The following ZC3HC1 variants were observed in gnomAD, a reference collection of about 807,000 sequenced individuals.
The protein encoded by ZC3HC1 is zinc finger C3HC-type protein 1.
In ZC3HC1, 38 loss-of-function variants were observed where a neutral mutation model predicts 61.9. The ratio of observed to expected loss-of-function variants is 0.61; its 90% CI spans 0.47 to 0.81. The LOEUF is 0.81. Ranked by LOEUF, ZC3HC1 falls within the 30% of genes least tolerant of loss-of-function variation. The probability of loss-of-function intolerance (pLI) is 0.00; values close to 1 mark genes in which losing one functional copy is unlikely to be tolerated. For synonymous variants in ZC3HC1, 213 were observed against 229.9 expected (o/e 0.93, Z 0.67); for missense variants, 554 against 622.7 (o/e 0.89, Z 1.17).
At chr7:130,051,382 A>T (rs1273403610), upstream of ZC3HC1, 1 of 1,611,998 alleles carries the variant, frequency 6.2e-7, no homozygotes, top group Non-Finnish European at 8.5e-7. Flanking sequence ...TCCGCTGCCG[A>T]GTTGCTTCCC....
At chr7:130,020,032 G>A (rs1212641678) in intron 9 of ZC3HC1, among the ~76,000 whole-genome samples, 1 of 151,696 alleles carries the variant, frequency 6.6e-6, no homozygotes, top group African/African-American at 2.4e-5. Flanking sequence ...GGCCAGGATG[G>A]TCTTGATCTC....
intron 4 of ZC3HC1, among the ~76,000 whole-genome samples, chr7:130,038,773 T>A (rs1321958901): frequency 2.0e-5 from 3 of 148,526 alleles, no homozygotes; most frequent in Admixed American, 6.8e-5. Context: ...GGCAGGAGAA[T>A]CGCTTGAACC....
At position 130,023,744 on chromosome 7, in the gene ZC3HC1, T is replaced by C. The variant is rs1456497404; in HGVS notation, c.1021-21A>G. The C allele has an allele frequency of 6.3e-7, 1 of 1,576,192 alleles. No homozygotes were observed. Among genetic ancestry groups the C allele is most frequent in the Non-Finnish European group, 8.7e-7 (1 of 1,147,764 alleles). On this transcript the variant is annotated intron_variant, in intron 7 of 9. Coordinates refer to ENST00000358303, the MANE Select transcript of ZC3HC1 (RefSeq NM_016478.5). This position sits in a 1 kb window ranked among gnomAD's most constrained non-coding sequence, Gnocchi z 4.2. Reference sequence around the variant, plus strand: ...TCAGCCTGAAGGAAAGGGGAGATAATGGAAGTACACGAATGATATTAATGA... The same window carrying C: ...TCAGCCTGAAGGAAAGGGGAGATAACGGAAGTACACGAATGATATTAATGA...
chr7:130,041,749 G>T (rs1794683464), intron 2 of ZC3HC1, among the ~76,000 whole-genome samples: 1 of 151,330 alleles, frequency 6.6e-6, no homozygotes, highest in African/African-American at 2.4e-5. Context: ...GGTTGGTCCT[G>T]AACTTGTGAC....
At chr7:130,021,731 TTC>T (rs1455992547) in intron 9 of ZC3HC1, among the ~76,000 whole-genome samples, 1 of 152,212 alleles carries the variant, frequency 6.6e-6, no homozygotes, top group Admixed American at 6.6e-5. Flanking sequence ...GTTCATCTAT[TTC>T]TGTTTCCGTA....
At chr7:130,025,838 T>G (rs1793876517) in intron 6 of ZC3HC1, among the ~76,000 whole-genome samples, 1 of 109,648 alleles carries the variant, frequency 9.1e-6, no homozygotes, top group Non-Finnish European at 1.7e-5. Context: ...GCCACTACCC[T>G]CCAGCCTGGG....
chr7:130,020,502 T>C (rs1320274704), intron 9 of ZC3HC1, among the ~76,000 whole-genome samples: 1 of 152,020 alleles, frequency 6.6e-6, no homozygotes, highest in Non-Finnish European at 1.5e-5. Flanking sequence ...CCTCAGGTGA[T>C]TCCCCTGCGT....
chr7:130,028,037 C>T (rs1329436525), intron 5 of ZC3HC1, among the ~76,000 whole-genome samples: 8 of 151,014 alleles, frequency 5.3e-5, no homozygotes, highest in Non-Finnish European at 7.4e-5. Context: ...CGTGGTCGCA[C>T]GTGCCTGTAA....
intron 5 of ZC3HC1, chr7:130,027,480 G>C (rs903671272): frequency 6.6e-6 from 1 of 152,164 alleles, no homozygotes; most frequent in African/African-American, 2.4e-5. Flanking sequence ...TGATTAAATG[G>C]AACAGTAAAT....
At chr7:130,048,988 A>C in intron 2 of ZC3HC1, 45 bp downstream of exon 2, 1 of 1,471,336 alleles carries the variant, frequency 6.8e-7, no homozygotes, top group Non-Finnish European at 9.3e-7. Flanking sequence ...GAGGAATTCT[A>C]GAAGCAGGCA....
rs766974262 is a variant in ZC3HC1 at position 130,023,775 on chromosome 7, G to C, written c.1021-52C>G. On this transcript the variant is annotated intron_variant, in intron 7 of 9. Coordinates refer to ENST00000358303, the MANE Select transcript of ZC3HC1 (RefSeq NM_016478.5). This position sits in a 1 kb window ranked among gnomAD's most constrained non-coding sequence, Gnocchi z 4.2. The stretch of plus-strand genomic sequence containing the variant: ...TACACGAATGATATTAATGATTATG[G>C]TCAGAAATACTTCTTTCTTTAATCT... 7.2e-7 allele frequency: 1 copy of C among 1,394,210 alleles called. No individual in the cohort carries two copies. Among genetic ancestry groups the C allele is most frequent in the East Asian group, 2.3e-5 (1 of 43,550 alleles). 86.4% of individuals were successfully genotyped at this position (1,394,210 alleles called of 1,614,324 possible). A position where few individuals can be genotyped will look rare whatever the true frequency, so the allele number is the denominator to read the frequency against.
chr7:130,047,376 G>A (rs1456967970), intron 2 of ZC3HC1, among the ~76,000 whole-genome samples: 3 of 152,084 alleles, frequency 2.0e-5, no homozygotes, highest in Admixed American at 1.3e-4. Context: ...GATTACAGGC[G>A]TAAGCCACCA....
intron 4 of ZC3HC1, among the ~76,000 whole-genome samples, chr7:130,037,131 G>T: frequency 6.6e-6 from 1 of 152,164 alleles, no homozygotes; most frequent in Non-Finnish European, 1.5e-5. Flanking sequence ...CACCAATAGA[G>T]CCCTGGGCAG....
chr7:130,027,902 C>T (rs1304642337), intron 5 of ZC3HC1, among the ~76,000 whole-genome samples: 1 of 151,870 alleles, frequency 6.6e-6, no homozygotes, highest in Non-Finnish European at 1.5e-5. Flanking sequence ...GGTGTGGTGG[C>T]TCACATCTGT....
chr7:130,031,339 A>AC (rs1794181573), intron 4 of ZC3HC1, among the ~76,000 whole-genome samples: 1 of 151,168 alleles, frequency 6.6e-6, no homozygotes, highest in Admixed American at 6.6e-5. Context: ...AAAAAAAAAA[A>AC]AAACAGAAAA....
intron 4 of ZC3HC1, 193 bp downstream of exon 4, chr7:130,039,271 G>A (rs1282735620): frequency 1.8e-6 from 1 of 567,352 alleles, no homozygotes. Context: ...TTGAACGCGG[G>A]AGGCGAAGGT....
At chr7:130,042,073 C>T (rs761434896) in intron 2 of ZC3HC1, among the ~76,000 whole-genome samples, 2 of 151,906 alleles carry the variant, frequency 1.3e-5, no homozygotes, top group South Asian at 4.2e-4. Flanking sequence ...GAGGCTGAAG[C>T]GGGAGGATCA....
Position 130,028,906 on chromosome 7 carries a change from G to A in ZC3HC1, c.617C>T (p.Thr206Ile), listed in dbSNP as rs34752500. Residue 206 changes from threonine to isoleucine, a missense_variant, in exon 5 of 10, where the codon ACT becomes ATT. Coordinates refer to ENST00000358303, the MANE Select transcript of ZC3HC1 (RefSeq NM_016478.5). ...LPSLRPEDLK[T>I]MCLTEDKISL... Reference sequence around the variant, plus strand: ...GCCTAGTCAGGAAAAACTCACCATAGTTTTCAAGTCCTCCGGCCTTAGGGA... The same window carrying A: ...GCCTAGTCAGGAAAAACTCACCATAATTTTCAAGTCCTCCGGCCTTAGGGA... The A allele has an allele frequency of 9.7e-3, 15,650 of 1,612,496 alleles. 82 individuals are homozygous for A. Among genetic ancestry groups the A allele is most frequent in the Non-Finnish European group, 0.012 (13,651 of 1,179,038 alleles).
Position 130,023,647 on chromosome 7 carries a change from G to C in ZC3HC1, c.1097C>G (p.Pro366Arg). The C allele has an allele frequency of 6.2e-7, 1 of 1,614,174 alleles. No homozygotes were observed. The highest frequency in any genetic ancestry group is 8.5e-7 in the Non-Finnish European group (1 of 1,180,030). Reference protein sequence around the residue: ...DSSSPVDRPEPEAASPTTRTR... With the variant: ...DSSSPVDRPEREAASPTTRTR... ...TCTGGTGGTGGGGCTAGCAGCCTCTGGCTCAGGACGGTCAACAGGACTGGA... is the reference window on the plus strand; with the variant it reads ...TCTGGTGGTGGGGCTAGCAGCCTCTCGCTCAGGACGGTCAACAGGACTGGA... Residue 366 changes from proline (P) to arginine (R), a missense_variant, in exon 8 of 10, where the codon CCA becomes CGA. Coordinates refer to ENST00000358303, the MANE Select transcript of ZC3HC1 (RefSeq NM_016478.5). The surrounding 1 kb of genome is among the most constrained non-coding windows in gnomAD (Gnocchi z 4.2).
Sources: gnomAD v4.1 joint callset for allele counts (sites outside exome capture counted in the v4.1 genomes callset) on GRCh38, gnomAD v4.1.1 for gene constraint, Gnocchi (gnomAD v3.1) non-coding constraint, MANE v1.5 for transcripts, NCBI Gene and HGNC (gene_info 2026-07-23, HGNC 2026-07-21) for gene names.